The following TGFBR3 variants were observed in gnomAD, a reference collection of about 807,000 sequenced individuals.
TGFBR3 encodes the protein transforming growth factor beta receptor 3, also known as transforming growth factor beta receptor type 3.
Under a neutral mutation model 87.9 loss-of-function variants are expected in TGFBR3, and 46 were observed. The observed-to-expected ratio is 0.52, with a 90% CI of 0.41 to 0.67. TGFBR3 has a LOEUF of 0.67. Among genes scored for constraint, TGFBR3 ranks in the 30% least tolerant of loss-of-function variants. The pLI, the probability that TGFBR3 is intolerant of heterozygous loss-of-function variation, is 0.00. For missense variants in TGFBR3, 866 were observed against 1,041.9 expected, an observed-to-expected ratio of 0.83 and a Z score of 2.32; for synonymous variants, 381 against 391.6, an observed-to-expected ratio of 0.97 and a Z score of 0.32.
chr1:91,729,720 G>A, intron 6 of TGFBR3, 85 bp downstream of exon 6: 1 of 1,515,778 alleles, frequency 6.6e-7, no homozygotes, highest in South Asian at 1.1e-5. Context: ...GAGGGTGTAG[G>A]ACGGGCTACA....
intron 7 of TGFBR3, among the ~76,000 whole-genome samples, chr1:91,722,778 T>C (rs2100789999): frequency 6.6e-6 from 1 of 152,348 alleles, no homozygotes; most frequent in Middle Eastern, 3.4e-3. Context: ...GCTACAAACC[T>C]GCACAGCATG....
chr1:91,688,093 C>A (rs1458513136), intron 16 of TGFBR3, among the ~76,000 whole-genome samples: 3 of 152,108 alleles, frequency 2.0e-5, no homozygotes, highest in Admixed American at 1.3e-4. Flanking sequence ...ACACAAAAGA[C>A]TCTTCTTTTG....
At chr1:91,875,732 A>T (rs566970814) in intron 1 of TGFBR3, among the ~76,000 whole-genome samples, 1 of 137,398 alleles carries the variant, frequency 7.3e-6, no homozygotes, top group East Asian at 2.3e-4. Flanking sequence ...TACTAAAAAT[A>T]GAAAAATTAG....
chr1:91,856,013 C>T (rs140014331), intron 2 of TGFBR3, among the ~76,000 whole-genome samples: 121 of 152,124 alleles, frequency 8.0e-4, no homozygotes, highest in African/African-American at 2.8e-3. Flanking sequence ...CACCCTCCAT[C>T]CTCAACAGTG....
chr1:91,836,859 C>T (rs1571558954), intron 2 of TGFBR3, among the ~76,000 whole-genome samples: 1 of 152,228 alleles, frequency 6.6e-6, no homozygotes, highest in Admixed American at 6.5e-5. Flanking sequence ...TGCTAAATAT[C>T]AGAGATGCTC....
intron 2 of TGFBR3, among the ~76,000 whole-genome samples, chr1:91,836,521 C>T (rs1395936068): frequency 6.6e-6 from 1 of 152,132 alleles, no homozygotes; most frequent in Non-Finnish European, 1.5e-5. Context: ...CGTCTATGCT[C>T]TAAAACGCTG....
intron 3 of TGFBR3, among the ~76,000 whole-genome samples, chr1:91,780,706 T>C (rs568143254): frequency 1.4e-4 from 22 of 151,768 alleles, no homozygotes; most frequent in South Asian, 1.3e-3. Context: ...AATACAGGCA[T>C]GCGTCACCAT....
Position 91,694,753 on chromosome 1 carries a change from G to A in TGFBR3, c.2437+919C>T, listed in dbSNP as rs576466672. On this transcript the variant is annotated intron_variant, in intron 16 of 16. Coordinates refer to ENST00000212355, the MANE Select transcript of TGFBR3 (RefSeq NM_003243.5). ...GAAGCTGGGCCTGCCACTTGCCTCT[G>A]ACGGATCAATCTAGCACAGTTTATC... is the stretch of plus-strand genomic sequence containing the variant. Among the ~76,000 whole-genome samples, 4 of 152,278 alleles carry A rather than the reference G, an allele frequency of 2.6e-5. No individual in the cohort carries two copies. In the South Asian group the frequency reaches 8.3e-4, roughly 32 times the overall value.
At chr1:91,861,412 T>C in intron 2 of TGFBR3, 59 bp downstream of exon 2, 1 of 1,337,758 alleles carries the variant, frequency 7.5e-7, no homozygotes, top group Non-Finnish European at 1.1e-6. Context: ...CTAAAGAGAC[T>C]GGGACAAAAT....
intron 3 of TGFBR3, among the ~76,000 whole-genome samples, chr1:91,762,936 C>G (rs1401648093): frequency 6.6e-6 from 1 of 150,642 alleles, no homozygotes; most frequent in African/African-American, 2.4e-5. Flanking sequence ...CACTACCTCC[C>G]TATCTCTCAC....
At chr1:91,844,518 A>G (rs1340212504) in intron 2 of TGFBR3, among the ~76,000 whole-genome samples, 1 of 152,226 alleles carries the variant, frequency 6.6e-6, no homozygotes. Flanking sequence ...GAATAGCAAA[A>G]CAGATACTAC....
chr1:91,901,283 G>T (rs958916790), intron 1 of TGFBR3, among the ~76,000 whole-genome samples: 2 of 152,078 alleles, frequency 1.3e-5, no homozygotes, highest in African/African-American at 4.8e-5. Flanking sequence ...CCAAATACTT[G>T]GTTAGTTGGA....
chr1:91,873,479 G>A (rs67577913), intron 1 of TGFBR3, among the ~76,000 whole-genome samples: 12,929 of 151,320 alleles, frequency 0.085, 615 homozygotes, highest in African/African-American at 0.13. Context: ...TAAAGATGGG[G>A]CTTTACCATG....
At chr1:91,689,437 A>G (rs1487004222) in intron 16 of TGFBR3, among the ~76,000 whole-genome samples, 1 of 152,208 alleles carries the variant, frequency 6.6e-6, no homozygotes, top group Non-Finnish European at 1.5e-5. Context: ...TGGCTATTTT[A>G]CCAGTGCCTA....
At chr1:91,874,897 A>G (rs899049364) in intron 1 of TGFBR3, among the ~76,000 whole-genome samples, 2 of 152,194 alleles carry the variant, frequency 1.3e-5, no homozygotes, top group Non-Finnish European at 2.9e-5. Flanking sequence ...GAAGAGAAAC[A>G]CTGCTCTCTG....
intron 1 of TGFBR3, among the ~76,000 whole-genome samples, chr1:91,865,224 A>G (rs972352170): frequency 5.9e-5 from 9 of 151,622 alleles, no homozygotes; most frequent in African/African-American, 9.7e-5. Context: ...AAAAAAGAAA[A>G]AAAGAAAGAA....
chr1:91,699,619 G>A (rs561192847), intron 14 of TGFBR3, among the ~76,000 whole-genome samples: 4 of 152,092 alleles, frequency 2.6e-5, no homozygotes, highest in African/African-American at 7.2e-5. Flanking sequence ...CTATGAAGAC[G>A]TTCATATGCA....
intron 1 of TGFBR3, among the ~76,000 whole-genome samples, chr1:91,904,547 C>T (rs1393624091): frequency 6.6e-6 from 1 of 150,456 alleles, no homozygotes; most frequent in Non-Finnish European, 1.5e-5. Flanking sequence ...CAGACGCGTG[C>T]CACCACATGC....
At chr1:91,832,341 T>C (rs373633272) in intron 2 of TGFBR3, among the ~76,000 whole-genome samples, 3 of 146,004 alleles carry the variant, frequency 2.1e-5, no homozygotes, top group African/African-American at 7.8e-5. Flanking sequence ...GATATTCCTT[T>C]GAATTTGTAC....
Sources: allele counts gnomAD v4.1 joint callset (sites outside exome capture counted in the v4.1 genomes callset), GRCh38; gene constraint gnomAD v4.1.1; transcripts MANE v1.5; gene names NCBI Gene and HGNC (gene_info 2026-07-23, HGNC 2026-07-21).